Variants in PCDHA1 observed in about 807,000 individuals in gnomAD.
PCDHA1 encodes the protein protocadherin alpha-1.
A neutral mutation model predicts 61.3 loss-of-function variants in PCDHA1; 42 were observed. The observed-to-expected ratio is 0.69, with a 90% confidence interval of 0.54 to 0.89. The LOEUF is 0.89. Ranked by LOEUF, PCDHA1 falls within the 40% of genes least tolerant of loss-of-function variation. The pLI is 0.00. For missense variants in PCDHA1, 1,256 were observed against 1,235.3 expected, an observed-to-expected ratio of 1.02 and a Z score of -0.25; for synonymous variants, 610 against 553.8, an observed-to-expected ratio of 1.10 and a Z score of -1.43.
At position 140,870,536 on chromosome 5, in the gene PCDHA1, C is replaced by T. The variant is rs782205013; in HGVS notation, c.2394+81852C>T. On this transcript the variant is annotated intron_variant, in intron 1 of 3. Transcript: ENST00000504120. ...GGCTGCCACATCTTCACAGTGTCGGCGCGGGACGCGGACGCGCAGGAGAAC... is the reference window on the plus strand; with the variant it reads ...GGCTGCCACATCTTCACAGTGTCGGTGCGGGACGCGGACGCGCAGGAGAAC... 1.1e-5 allele frequency: 18 copies of T among 1,614,036 alleles called. No individual in the cohort carries two copies. The Admixed American group carries it at 3.0e-4, about 27-fold the overall frequency.
chr5:140,803,136 C>A, intron 1 of PCDHA1: 1 of 1,613,876 alleles, frequency 6.2e-7, no homozygotes, highest in Non-Finnish European at 8.5e-7. Context: ...GCGCCATCGC[C>A]TACTGGTGCT....
intron 1 of PCDHA1, chr5:140,881,920 T>G (rs1205220705): frequency 1.2e-5 from 3 of 257,650 alleles, no homozygotes; most frequent in African/African-American, 6.6e-5. Flanking sequence ...TTGAGCAGAA[T>G]GCAGTGATTT....
At chr5:140,810,766 C>CT (rs1238310799) in intron 1 of PCDHA1, 4 of 151,908 alleles carry the variant, frequency 2.6e-5, no homozygotes, top group East Asian at 1.9e-4. Context: ...AACATAACTC[C>CT]TTTTTTTAGT....
intron 3 of PCDHA1, among the ~76,000 whole-genome samples, chr5:140,989,495 A>G (rs1408191575): frequency 6.6e-6 from 1 of 152,136 alleles, no homozygotes; most frequent in African/African-American, 2.4e-5. Context: ...AACAAGAAAG[A>G]CCTGCTTATA....
Position 140,807,749 on chromosome 5 carries a change from C to T in PCDHA1, c.2394+19065C>T, listed in dbSNP as rs782346248. 7 of 1,614,138 alleles carry T rather than the reference C, an allele frequency of 4.3e-6. No homozygotes were observed. In the Admixed American group the frequency reaches 1.2e-4, roughly 27 times the overall value. Reference sequence around the variant, plus strand: ...TCTGGAAAAACCACCTGATGACGAGCTGGTAAAAGGTCTTGGGCTTATATT... The same window carrying T: ...TCTGGAAAAACCACCTGATGACGAGTTGGTAAAAGGTCTTGGGCTTATATT... On this transcript the variant is annotated intron_variant, in intron 1 of 3. Transcript: ENST00000504120.
rs185620917 is a variant in PCDHA1 at position 140,854,335 on chromosome 5, G to A, written c.2394+65651G>A. The A allele has an allele frequency of 1.5e-4, 29 of 191,248 alleles. 1 individual carries two copies. Among genetic ancestry groups the A allele is most frequent in the Non-Finnish European group, 2.6e-4 (27 of 105,250 alleles). The allele number at this position is 191,248 out of a possible 1,614,324, so 11.8% of individuals were successfully genotyped here. ...TTGATCAATGGCAAACTTATTTTACGCTCCAGATAGCTAAAACAAACGTTG... is the reference window on the plus strand; with the variant it reads ...TTGATCAATGGCAAACTTATTTTACACTCCAGATAGCTAAAACAAACGTTG... On this transcript the variant is annotated intron_variant, in intron 1 of 3. Coordinates refer to ENST00000504120, the MANE Select transcript of PCDHA1 (RefSeq NM_018900.4).
Position 140,833,672 on chromosome 5 carries a change from TC to T in PCDHA1, c.2394+44992del, listed in dbSNP as rs2150210323. 1.4e-3 allele frequency among the ~76,000 whole-genome samples: 206 copies of T among 152,280 alleles called. 1 individual carries two copies. Among genetic ancestry groups the T allele is most frequent in the African/African-American group, 4.4e-3 (183 of 41,568 alleles). On this transcript the variant is annotated intron_variant, in intron 1 of 3. Transcript: ENST00000504120. The stretch of plus-strand genomic sequence containing the variant: ...ATACAAATTCTTCCCCTTCAAAGAT[TC>T]CCCAAACCTTCTCTTATTTTGTTTT...
At chr5:140,803,831 A>G in intron 1 of PCDHA1, 1 of 627,576 alleles carries the variant, frequency 1.6e-6, no homozygotes. Flanking sequence ...GTGCAGTAGT[A>G]GAATTATTTT....
chr5:140,804,879 C>G, intron 1 of PCDHA1: 95 of 562,310 alleles, frequency 1.7e-4, no homozygotes, highest in East Asian at 2.8e-4. Context: ...TTTTTCTTGA[C>G]TCCTCTCCTT....
chr5:140,822,083 T>C, intron 1 of PCDHA1: 3 of 1,614,220 alleles, frequency 1.9e-6, no homozygotes, highest in Non-Finnish European at 2.5e-6. Context: ...GAGTGCAGCA[T>C]CCACCTGGAG....
At position 140,882,318 on chromosome 5, in the gene PCDHA1, G is replaced by A. The variant is rs534213144; in HGVS notation, c.2394+93634G>A. On this transcript the variant is annotated intron_variant, in intron 1 of 3. Transcript: ENST00000504120. ...CCAAGACCGCGGCAACTACTGCTCT[G>A]GCTTCTGATCCTCGCAGCCTGGGAG... 5 of 1,614,128 alleles carry A rather than the reference G, an allele frequency of 3.1e-6. No individual in the cohort carries two copies. In the African/African-American group the frequency reaches 6.7e-5, roughly 22 times the overall value.
chr5:140,927,420 G>A (rs782549245), intron 1 of PCDHA1: 5 of 1,614,108 alleles, frequency 3.1e-6, no homozygotes, highest in Non-Finnish European at 4.2e-6. Flanking sequence ...TGGGATCGCG[G>A]GTTGACGGCA....
At chr5:140,895,235 C>T (rs1554186440) in intron 1 of PCDHA1, among the ~76,000 whole-genome samples, 2 of 152,236 alleles carry the variant, frequency 1.3e-5, no homozygotes, top group East Asian at 1.9e-4. Context: ...GTTTTCTCAT[C>T]TCTCTTTTCA....
At chr5:140,983,740 C>A (rs1250895126) in intron 3 of PCDHA1, among the ~76,000 whole-genome samples, 1 of 152,190 alleles carries the variant, frequency 6.6e-6, no homozygotes, top group African/African-American at 2.4e-5. Context: ...GGCTGGCTTG[C>A]AATAATCCAT....
intron 3 of PCDHA1, among the ~76,000 whole-genome samples, chr5:140,984,412 A>G (rs1189115390): frequency 5.9e-5 from 9 of 152,184 alleles, no homozygotes; most frequent in African/African-American, 2.2e-4. Flanking sequence ...TATCTTTTTT[A>G]CAGAGATAGA....
At chr5:140,856,282 G>T (rs1554148485) in intron 1 of PCDHA1, 1 of 1,598,456 alleles carries the variant, frequency 6.3e-7, no homozygotes, top group African/African-American at 1.3e-5. Context: ...AGGTAAATCT[G>T]CAGAATGGCA....
rs782479622 is a variant in PCDHA1, at chr5:140,788,554, G to A, written c.2264G>A (p.Arg755Gln). Residue 755 changes from arginine (R) to glutamine (Q), a missense_variant, in exon 1 of 4, where the codon CGG becomes CAG. Arg to Gln is a conservative substitution (Grantham distance 43). Transcript: ENST00000504120. ...LGSWSNSQQR[R>Q]QRVCSSEGPP... The stretch of plus-strand genomic sequence containing the variant: ...AGCTGGTCGAACTCACAGCAGAGGC[G>A]GCAGAGGGTGTGCTCTAGCGAGGGC... 4 of 1,614,116 alleles carry A rather than the reference G, an allele frequency of 2.5e-6. No homozygotes were observed. Among genetic ancestry groups the A allele is most frequent in the Middle Eastern group, 1.6e-4 (1 of 6,062 alleles).
intron 1 of PCDHA1, chr5:140,928,178 G>A: frequency 6.2e-7 from 1 of 1,614,192 alleles, no homozygotes. Context: ...AGCACCCGAA[G>A]GACAATCACT....
At chr5:140,985,044 T>G (rs183944640) in intron 3 of PCDHA1, among the ~76,000 whole-genome samples, 1 of 152,158 alleles carries the variant, frequency 6.6e-6, no homozygotes, top group Admixed American at 6.5e-5. Flanking sequence ...TTCAAGTGAT[T>G]CTCCTGCCTC....
Sources: gnomAD v4.1 joint callset for allele counts (sites outside exome capture counted in the v4.1 genomes callset) on GRCh38, gnomAD v4.1.1 for gene constraint, MANE v1.5 for transcripts, NCBI Gene and HGNC (gene_info 2026-07-23, HGNC 2026-07-21) for gene names.